Variants in COX7A2L observed in about 807,000 individuals in gnomAD.
COX7A2L encodes the protein cytochrome c oxidase subunit 7A2-like, mitochondrial.
COX7A2L carries 18 observed loss-of-function variants against 14.2 expected under a neutral mutation model. The observed-to-expected ratio is 1.27, with a 90% CI of 0.88 to 1.88. The LOEUF (loss-of-function observed/expected upper bound fraction) is 1.88, where lower values mean the gene tolerates loss of function less well. Among genes scored for constraint, COX7A2L ranks in the 40% most tolerant of loss-of-function variants. The pLI is 0.00. For synonymous variants in COX7A2L, 65 were observed against 57.4 expected (o/e 1.13, Z -0.60); for missense variants, 179 against 138.8 (o/e 1.29, Z -1.46).
At chr2:42,353,389 G>A in intron 1 of COX7A2L, 46 bp from the exon 2 acceptor site, 1 of 1,608,312 alleles carries the variant, frequency 6.2e-7, no homozygotes, top group South Asian at 1.1e-5. Context: ...TATGTCTGAG[G>A]AGGCTGTCTG....
chr2:42,344,563 G>A (rs1294235511), downstream of COX7A2L, among the ~76,000 whole-genome samples: 1 of 152,164 alleles, frequency 6.6e-6, no homozygotes, highest in African/African-American at 2.4e-5. Context: ...GTCTTAGAAT[G>A]CGTCGCAGGC....
At chr2:42,363,364 C>G (rs1671099874), upstream of COX7A2L, among the ~76,000 whole-genome samples, 1 of 152,316 alleles carries the variant, frequency 6.6e-6, no homozygotes, top group African/African-American at 2.4e-5. Flanking sequence ...TTTGGGACAG[C>G]TACTGTCTCC....
In COX7A2L at chr2:42,353,288, G is replaced by T. The variant is rs369383788; in HGVS notation, c.128C>A (p.Thr43Asn). 1 of 1,614,024 alleles carries T rather than the reference G, an allele frequency of 6.2e-7. No individual in the cohort carries two copies. The highest frequency in any genetic ancestry group is 8.5e-7 in the Non-Finnish European group (1 of 1,180,028). Reference protein sequence around the residue: ...EAPPIIFATPTKLTSDSTVYD... With the variant: ...EAPPIIFATPNKLTSDSTVYD... ...CACTGTGGAATCGGAGGTCAGTTTA[G>T]TTGGTGTGGCAAATATGATAGGTGG... The change falls in exon 2 of 3, where the codon ACT (threonine) becomes AAT (asparagine). Residue 43 changes from threonine (T) to asparagine (N), a missense_variant. Physicochemically the swap from Thr to Asn is moderately conservative, Grantham distance 65. Transcript: ENST00000234301.
intron 1 of COX7A2L, among the ~76,000 whole-genome samples, chr2:42,357,683 A>G (rs1292744554): frequency 6.6e-6 from 1 of 151,906 alleles, no homozygotes; most frequent in Non-Finnish European, 1.5e-5. Context: ...CACACTCATC[A>G]TGTCCAAAAT....
chr2:42,352,092 T>C (rs1483455663), intron 2 of COX7A2L, among the ~76,000 whole-genome samples: 1 of 152,198 alleles, frequency 6.6e-6, no homozygotes, highest in Admixed American at 6.5e-5. Flanking sequence ...TCAAGTCCAT[T>C]TGGCATTCAA....
chr2:42,358,071 G>A (rs183315624), intron 1 of COX7A2L, among the ~76,000 whole-genome samples: 118 of 152,298 alleles, frequency 7.7e-4, no homozygotes, highest in Admixed American at 2.7e-3. Flanking sequence ...CTGCCAAACT[G>A]TTTTCCAAAG....
At chr2:42,341,827 G>A (rs749767015) in intron 2 of COX7A2L, among the ~76,000 whole-genome samples, 2 of 152,180 alleles carry the variant, frequency 1.3e-5, no homozygotes, top group Non-Finnish European at 2.9e-5. Context: ...GATTTGGCCT[G>A]AAACACAAAT....
intron 2 of COX7A2L, among the ~76,000 whole-genome samples, chr2:42,341,623 AC>A (rs2103875457): frequency 6.6e-6 from 1 of 152,294 alleles, no homozygotes; most frequent in South Asian, 2.1e-4. Context: ...AAGTTATAAA[AC>A]CAACTTTCCA....
At chr2:42,352,073 T>C (rs1202799460) in intron 2 of COX7A2L, among the ~76,000 whole-genome samples, 1 of 152,222 alleles carries the variant, frequency 6.6e-6, no homozygotes, top group African/African-American at 2.4e-5. Context: ...GTACCTCATG[T>C]CAATAGGTTC....
rs187342621 is a variant in COX7A2L at position 42,359,055 on chromosome 2, G to A, written c.72+2035C>T. ...ATTTATAAAATGAAATCCCACAGAA[G>A]AATAAGAGGATAAAAGGAATTAACT... On this transcript the variant is annotated intron_variant, in intron 1 of 2. Transcript: ENST00000234301. 48 of 152,294 alleles carry A rather than the reference G, an allele frequency of 3.2e-4. No homozygotes were observed. The East Asian group carries it at 4.0e-3, about 13-fold the overall frequency. 9.4% of individuals were successfully genotyped at this position (152,294 alleles called of 1,614,324 possible).
chr2:42,356,963 T>C (rs779356186), intron 1 of COX7A2L, among the ~76,000 whole-genome samples: 18 of 152,016 alleles, frequency 1.2e-4, no homozygotes, highest in Non-Finnish European at 2.2e-4. Flanking sequence ...TCAAGAAAAA[T>C]CACATACTTT....
intron 1 of COX7A2L, chr2:42,359,420 T>C (rs185474106): frequency 1.5e-3 from 226 of 152,348 alleles, no homozygotes; most frequent in African/African-American, 5.3e-3. Context: ...GTACATGGGT[T>C]TGTCCAAACT....
chr2:42,360,897 G>A (rs1302010934), intron 1 of COX7A2L, 193 bp downstream of exon 1: 2 of 639,568 alleles, frequency 3.1e-6, no homozygotes, highest in Non-Finnish European at 5.5e-6. Flanking sequence ...CCCCCGCCAG[G>A]TGAGCAGGTA....
Position 42,342,288 on chromosome 2 carries a change from C to T in COX7A2L, c.193-8419G>A, listed in dbSNP as rs534855924. ...TCCACCCTAGCCTAGCTGCCCTTCC[C>T]TGCTCTCTCCCTCTCCCTAGGAGAG... On this transcript the variant is annotated intron_variant, in intron 2 of 2. Transcript: ENST00000468711. The surrounding 1 kb of genome is among the most constrained non-coding windows in gnomAD (Gnocchi z 4.9). Among the ~76,000 whole-genome samples the T allele has an allele frequency of 6.6e-6, 1 of 152,226 alleles. No homozygotes were observed. The highest frequency in any genetic ancestry group is 1.9e-4 in the East Asian group (1 of 5,168).
chr2:42,347,390 G>C (rs556096961), downstream of COX7A2L, among the ~76,000 whole-genome samples: 98 of 145,298 alleles, frequency 6.7e-4, no homozygotes, highest in African/African-American at 2.3e-3. Flanking sequence ...CTCACGTCTA[G>C]AAATGATCCT....
intron 2 of COX7A2L, among the ~76,000 whole-genome samples, chr2:42,341,699 CA>C (rs1670406767): frequency 6.6e-6 from 1 of 152,196 alleles, no homozygotes; most frequent in African/African-American, 2.4e-5. Flanking sequence ...CAAGTATAAA[CA>C]AAGGCTGCTC....
At chr2:42,362,495 G>A (rs1015543722), upstream of COX7A2L, among the ~76,000 whole-genome samples, 27 of 152,284 alleles carry the variant, frequency 1.8e-4, no homozygotes, top group Non-Finnish European at 1.0e-4. Flanking sequence ...GGAAAATGAC[G>A]CCTGGAGAAG....
At position 42,339,652 on chromosome 2, in the gene COX7A2L, C is replaced by T. The variant is rs1278737478; in HGVS notation, c.193-5783G>A. On this transcript the variant is annotated intron_variant, in intron 2 of 2. Transcript: ENST00000468711. This position sits in a 1 kb window ranked among gnomAD's most constrained non-coding sequence, Gnocchi z 5.4. ...TTAACACTTTTTAAATTTATTACTT[C>T]CAATAAAGTGCAGAATCTCAGCGCA... Among the ~76,000 whole-genome samples the T allele has an allele frequency of 6.6e-6, 1 of 152,126 alleles. No individual in the cohort carries two copies. Among genetic ancestry groups the T allele is most frequent in the Non-Finnish European group, 1.5e-5 (1 of 68,034 alleles).
chr2:42,343,183 C>T (rs1395339228), intron 2 of COX7A2L, among the ~76,000 whole-genome samples: 1 of 152,132 alleles, frequency 6.6e-6, no homozygotes, highest in East Asian at 1.9e-4. Context: ...TTCCCTCCAC[C>T]ACACCCACCC....
Sources: gnomAD v4.1 joint callset for allele counts (sites outside exome capture counted in the v4.1 genomes callset) on GRCh38, gnomAD v4.1.1 for gene constraint, Gnocchi (gnomAD v3.1) non-coding constraint, MANE v1.5 for transcripts, NCBI Gene and HGNC (gene_info 2026-07-23, HGNC 2026-07-21) for gene names.